Variants in LRBA observed in about 807,000 individuals in gnomAD.
The protein encoded by LRBA is lipopolysaccharide-responsive and beige-like anchor protein.
A neutral mutation model predicts 330.0 loss-of-function variants in LRBA; 176 were observed. The observed-to-expected ratio is 0.53, with a 90% CI of 0.47 to 0.60. The LOEUF (loss-of-function observed/expected upper bound fraction) is 0.60, where lower values mean the gene tolerates loss of function less well. Ranked by LOEUF, LRBA falls within the 20% of genes least tolerant of loss-of-function variation. LRBA has a pLI of 0.00. For synonymous variants in LRBA, 1,230 were observed against 1,193.0 expected (o/e 1.03, Z -0.64); for missense variants, 3,259 against 3,444.8 (o/e 0.95, Z 1.35).
At chr4:150,308,375 T>A (rs1730626598) in intron 52 of LRBA, among the ~76,000 whole-genome samples, 1 of 152,238 alleles carries the variant, frequency 6.6e-6, no homozygotes, top group Admixed American at 6.5e-5. Flanking sequence ...CTGGTTTAAA[T>A]GGACTTACTA....
intron 36 of LRBA, among the ~76,000 whole-genome samples, chr4:150,731,560 A>G (rs976312449): frequency 2.0e-5 from 3 of 152,196 alleles, no homozygotes; most frequent in Non-Finnish European, 4.4e-5. Flanking sequence ...CAAACATCGC[A>G]TGTTCTCACT....
In LRBA at chr4:150,907,972, C is replaced by T. The variant is rs555764674; in HGVS notation, c.1493+362G>A. On this transcript the variant is annotated intron_variant, in intron 11 of 56. Transcript: ENST00000651943. ...AGTTAAGTTCCATAATAAATCATTA[C>T]CAAATAATTTTAAATATTTCAGAAA... 1.8e-4 allele frequency among the ~76,000 whole-genome samples: 27 copies of T among 151,874 alleles called. No homozygotes were observed. The South Asian group carries it at 5.6e-3, about 32-fold the overall frequency.
In LRBA at chr4:150,361,690, G is replaced by A. The variant is rs182415402; in HGVS notation, c.7195-11531C>T. 4.1e-3 allele frequency among the ~76,000 whole-genome samples: 631 copies of A among 152,088 alleles called. 5 individuals are homozygous for A. The highest frequency in any genetic ancestry group is 6.3e-3 in the Non-Finnish European group (429 of 68,002). On this transcript the variant is annotated intron_variant, in intron 47 of 56. Coordinates refer to ENST00000651943, the MANE Select transcript of LRBA (RefSeq NM_001364905.1). Reference sequence around the variant, plus strand: ...GCCTCTGGTATAACCCAGGCTAGATGAGCCACACTTCAATTACTTCAACCA... The same window carrying A: ...GCCTCTGGTATAACCCAGGCTAGATAAGCCACACTTCAATTACTTCAACCA...
At chr4:150,658,522 C>G (rs1431687574) in intron 37 of LRBA, among the ~76,000 whole-genome samples, 1 of 16 alleles carries the variant, frequency 0.062, no homozygotes, top group Non-Finnish European at 0.071. Context: ...TCTCCCTCTC[C>G]CTCTCCCTCT....
intron 40 of LRBA, among the ~76,000 whole-genome samples, chr4:150,553,844 G>A (rs1766940790): frequency 6.6e-6 from 1 of 152,114 alleles, no homozygotes; most frequent in Non-Finnish European, 1.5e-5. Flanking sequence ...GGTGAGAGAA[G>A]GGTAAAGGGA....
intron 47 of LRBA, among the ~76,000 whole-genome samples, chr4:150,402,370 G>A (rs1745608282): frequency 6.6e-6 from 1 of 151,550 alleles, no homozygotes; most frequent in African/African-American, 2.4e-5. Flanking sequence ...AAAGTGAAAC[G>A]ATAAAGTGAA....
At chr4:150,681,639 A>T (rs1268472555) in intron 37 of LRBA, among the ~76,000 whole-genome samples, 1 of 152,192 alleles carries the variant, frequency 6.6e-6, no homozygotes, top group African/African-American at 2.4e-5. Flanking sequence ...TATTAATTTA[A>T]TCATGTCCAT....
intron 46 of LRBA, among the ~76,000 whole-genome samples, chr4:150,424,135 A>G (rs1749216737): frequency 6.6e-6 from 1 of 152,232 alleles, no homozygotes; most frequent in Non-Finnish European, 1.5e-5. Flanking sequence ...AGCATTTCTA[A>G]GAAACTAATA....
intron 40 of LRBA, among the ~76,000 whole-genome samples, chr4:150,569,600 G>A (rs1349008287): frequency 1.3e-5 from 2 of 152,010 alleles, no homozygotes; most frequent in African/African-American, 2.4e-5. Flanking sequence ...TTATCTCATC[G>A]TACATCTTTG....
Position 150,871,450 on chromosome 4 carries a change from C to T in LRBA, c.2262G>A (p.Arg754=), listed in dbSNP as rs781097087. The change falls in exon 19 of 57, where the codon AGG becomes AGA. Residue 754 remains arginine, a synonymous_variant. Transcript: ENST00000651943. Reference sequence around the variant, plus strand: ...CATGTCCAAGCATGACTTCTGCTTTCCTCCTGCAATTACACAAAAAGAAAT... The same window carrying T: ...CATGTCCAAGCATGACTTCTGCTTTTCTCCTGCAATTACACAAAAAGAAAT... ...GYFLKHLAPK[R]KAEVMLGHGL... The T allele has an allele frequency of 7.2e-5, 115 of 1,588,744 alleles. No homozygotes were observed. The South Asian group carries it at 1.2e-3, about 16-fold the overall frequency.
chr4:150,858,686 C>G (rs1471402545), intron 22 of LRBA, among the ~76,000 whole-genome samples: 1 of 152,116 alleles, frequency 6.6e-6, no homozygotes. Flanking sequence ...CACCACCACT[C>G]CTGGCTAATT....
chr4:150,632,548 T>A (rs11942733), intron 37 of LRBA, among the ~76,000 whole-genome samples: 25,514 of 152,116 alleles, frequency 0.17, 2,719 homozygotes, highest in Non-Finnish European at 0.24. Flanking sequence ...AAGATTTTTT[T>A]AAAAATTAGA....
intron 33 of LRBA, among the ~76,000 whole-genome samples, chr4:150,802,096 T>C (rs1741721583): frequency 6.6e-6 from 1 of 151,186 alleles, no homozygotes; most frequent in Non-Finnish European, 1.5e-5. Flanking sequence ...GACATGCGCC[T>C]GTAGTCCCAA....
At chr4:150,834,598 T>A (rs1747720072) in intron 28 of LRBA, among the ~76,000 whole-genome samples, 1 of 152,224 alleles carries the variant, frequency 6.6e-6, no homozygotes, top group African/African-American at 2.4e-5. Context: ...CGCTCTTATC[T>A]AGGCTTTGTC....
chr4:150,613,760 C>T (rs1366763198), intron 37 of LRBA, among the ~76,000 whole-genome samples: 2 of 152,246 alleles, frequency 1.3e-5, no homozygotes, highest in Non-Finnish European at 2.9e-5. Flanking sequence ...GGTCTTAGGC[C>T]TCTCTGGCCA....
intron 34 of LRBA, among the ~76,000 whole-genome samples, chr4:150,790,812 C>T (rs762494614): frequency 2.0e-5 from 3 of 152,080 alleles, no homozygotes; most frequent in Non-Finnish European, 4.4e-5. Flanking sequence ...CAAAGAATAC[C>T]TACTTTCTCG....
chr4:150,684,686 A>G (rs539804117), intron 36 of LRBA, among the ~76,000 whole-genome samples: 8 of 152,184 alleles, frequency 5.3e-5, no homozygotes, highest in Non-Finnish European at 1.2e-4. Flanking sequence ...ATAAGAAAAC[A>G]AAGATGGATG....
At chr4:150,310,206 C>T (rs1169404106) in intron 52 of LRBA, 23 bp downstream of exon 52, 1 of 1,553,856 alleles carries the variant, frequency 6.4e-7, no homozygotes, top group South Asian at 1.1e-5. Context: ...CTTTAGTTCA[C>T]TGATAAAGAA....
At chr4:150,347,410 C>T (rs1736526051) in intron 48 of LRBA, among the ~76,000 whole-genome samples, 1 of 152,038 alleles carries the variant, frequency 6.6e-6, no homozygotes, top group Admixed American at 6.5e-5. Flanking sequence ...CTTTGGGAGG[C>T]CAAGGGAGGC....
Sources: gnomAD v4.1 joint callset for allele counts (sites outside exome capture counted in the v4.1 genomes callset) on GRCh38, gnomAD v4.1.1 for gene constraint, MANE v1.5 for transcripts, NCBI Gene and HGNC (gene_info 2026-07-23, HGNC 2026-07-21) for gene names.